Variants in COL21A1 observed in about 807,000 individuals in gnomAD.
COL21A1 encodes collagen type XXI alpha 1 chain, also known as collagen alpha-1(XXI) chain.
Under a neutral mutation model 137.9 loss-of-function variants are expected in COL21A1, and 149 were observed. The observed-to-expected ratio is 1.08, with a 90% confidence interval of 0.95 to 1.24. COL21A1 has a LOEUF of 1.24. COL21A1 is among the 50% of genes most tolerant of loss of function. COL21A1 has a pLI of 0.00. For synonymous variants in COL21A1, 456 were observed against 391.5 expected (o/e 1.16, Z -1.95); for missense variants, 1,167 against 1,158.4 (o/e 1.01, Z -0.11).
Position 56,168,092 on chromosome 6 carries a change from A to G in COL21A1, c.1200+32T>C, listed in dbSNP as rs115760917. ...AAGGACAGCAAAAGTTTCATTCTAT[A>G]TAATTCAAAGAGTAAATCATTATTT... is the stretch of plus-strand genomic sequence containing the variant. On this transcript the variant is annotated intron_variant, in intron 6 of 29. Transcript: ENST00000244728. 256 of 1,376,750 alleles carry G rather than the reference A, an allele frequency of 1.9e-4. No individual in the cohort carries two copies. The African/African-American group carries it at 3.4e-3, about 18-fold the overall frequency. 85.3% of individuals were successfully genotyped at this position (1,376,750 alleles called of 1,614,324 possible).
intron 17 of COL21A1, among the ~76,000 whole-genome samples, chr6:56,090,529 T>A (rs1768702826): frequency 6.6e-6 from 1 of 152,276 alleles, no homozygotes; most frequent in African/African-American, 2.4e-5. Context: ...ACTGTCATAT[T>A]GTAGAAGACC....
intron 1 of COL21A1, among the ~76,000 whole-genome samples, chr6:56,274,844 C>T (rs1763605452): frequency 6.6e-6 from 1 of 151,636 alleles, no homozygotes; most frequent in African/African-American, 2.4e-5. Flanking sequence ...TCATTTTTCA[C>T]AGAATTAGAA....
chr6:56,110,966 G>T (rs1299174959), intron 16 of COL21A1, among the ~76,000 whole-genome samples: 1 of 152,088 alleles, frequency 6.6e-6, no homozygotes, highest in Non-Finnish European at 1.5e-5. Flanking sequence ...ACCCCACCTT[G>T]AGTAGGGCTT....
intron 1 of COL21A1, among the ~76,000 whole-genome samples, chr6:56,352,443 A>T (rs1014239859): frequency 1.3e-5 from 2 of 152,170 alleles, no homozygotes; most frequent in Non-Finnish European, 2.9e-5. Flanking sequence ...GGTGTATGTC[A>T]GAAAATGGAG....
In COL21A1 at chr6:56,142,350, A is replaced by G. The variant is rs567068874; in HGVS notation, c.1435-367T>C. 1.4e-4 allele frequency among the ~76,000 whole-genome samples: 22 copies of G among 152,346 alleles called. No homozygotes were observed. The East Asian group carries it at 4.0e-3, about 28-fold the overall frequency. ...AGATTGGAGGATTAAACAAATGTGT[A>G]TTTGTAAACCACCTAATTAATGGCC... On this transcript the variant is annotated intron_variant, in intron 10 of 29. Transcript: ENST00000244728.
chr6:56,352,854 A>G (rs1287430720), intron 1 of COL21A1, among the ~76,000 whole-genome samples: 9 of 152,230 alleles, frequency 5.9e-5, no homozygotes, highest in Non-Finnish European at 1.5e-5. Flanking sequence ...AGCCTGGGCC[A>G]ACATGGCAAA....
At chr6:56,374,615 G>C (rs959241187) in intron 1 of COL21A1, among the ~76,000 whole-genome samples, 2 of 151,444 alleles carry the variant, frequency 1.3e-5, no homozygotes, top group Non-Finnish European at 2.9e-5. Context: ...CCAGCTACTC[G>C]GGAAGCTGAG....
intron 3 of COL21A1, among the ~76,000 whole-genome samples, chr6:56,173,355 G>T (rs888799079): frequency 6.6e-6 from 1 of 151,360 alleles, no homozygotes; most frequent in Non-Finnish European, 1.5e-5. Flanking sequence ...TCCAGCCTGC[G>T]CAACAGAATG....
At chr6:56,250,230 G>T (rs1449591777), upstream of COL21A1, among the ~76,000 whole-genome samples, 1 of 152,142 alleles carries the variant, frequency 6.6e-6, no homozygotes, top group Non-Finnish European at 1.5e-5. Flanking sequence ...ACCTAAACTA[G>T]GAAACTGTTG....
At chr6:56,342,966 A>C (rs984955849) in intron 1 of COL21A1, among the ~76,000 whole-genome samples, 3 of 152,210 alleles carry the variant, frequency 2.0e-5, no homozygotes, top group African/African-American at 7.2e-5. Context: ...GTACTGTGGG[A>C]CCACTGCAGA....
At chr6:56,123,284 G>C (rs998860586) in intron 16 of COL21A1, among the ~76,000 whole-genome samples, 11 of 152,178 alleles carry the variant, frequency 7.2e-5, no homozygotes, top group African/African-American at 2.7e-4. Context: ...TTATAGTCAG[G>C]TTACTACTGT....
At chr6:56,310,807 C>A (rs1299621483) in intron 1 of COL21A1, among the ~76,000 whole-genome samples, 1 of 138,578 alleles carries the variant, frequency 7.2e-6, no homozygotes, top group Admixed American at 7.1e-5. Flanking sequence ...ATATGAATAT[C>A]CATAATATTG....
chr6:56,355,206 T>C (rs1478850417), intron 1 of COL21A1, among the ~76,000 whole-genome samples: 3 of 152,218 alleles, frequency 2.0e-5, no homozygotes, highest in Non-Finnish European at 2.9e-5. Context: ...ATAGAAGTAC[T>C]GACACCCGCT....
rs1201380404 is a variant in COL21A1, at chr6:56,143,199, CTT to C, written c.1435-1218_1435-1217del. On this transcript the variant is annotated intron_variant, in intron 10 of 29. Transcript: ENST00000244728. ...GAATGACAATGACTATACAATTTTT[CTT>C]TTTTTTTTTTTTTTTTTGAGACAGA... Among the ~76,000 whole-genome samples, 1,215 of 124,490 alleles carry C rather than the reference CTT, an allele frequency of 9.8e-3. 9 individuals are homozygous for C. The highest frequency in any genetic ancestry group is 0.034 in the African/African-American group (1,095 of 32,260). 81.7% of individuals were successfully genotyped at this position (124,490 alleles called of 152,430 possible).
At chr6:56,131,521 G>A (rs1773553946) in intron 12 of COL21A1, among the ~76,000 whole-genome samples, 1 of 151,892 alleles carries the variant, frequency 6.6e-6, no homozygotes, top group Non-Finnish European at 1.5e-5. Flanking sequence ...GCCTCTGGGA[G>A]GGATGAAATC....
rs148291773 is a variant in COL21A1 at position 56,162,754 on chromosome 6, A to C, written c.1371+1669T>G. Among the ~76,000 whole-genome samples the C allele has an allele frequency of 4.6e-3, 696 of 152,356 alleles. 10 individuals are homozygous for C. Among genetic ancestry groups the C allele is most frequent in the African/African-American group, 0.016 (668 of 41,572 alleles). ...TATAATATTCCAAGGTGAATAAATTATATGAACATATATATTTTTAAAAGA... is the reference window on the plus strand; with the variant it reads ...TATAATATTCCAAGGTGAATAAATTCTATGAACATATATATTTTTAAAAGA... On this transcript the variant is annotated intron_variant, in intron 9 of 29. Coordinates refer to ENST00000244728, the MANE Select transcript of COL21A1 (RefSeq NM_030820.4).
chr6:56,059,727 T>C (rs1311909856), intron 28 of COL21A1, among the ~76,000 whole-genome samples: 1 of 152,182 alleles, frequency 6.6e-6, no homozygotes, highest in Admixed American at 6.5e-5. Flanking sequence ...AAATGGCATC[T>C]GTGATTTTCT....
At chr6:56,320,617 C>A (rs1764842565) in intron 1 of COL21A1, among the ~76,000 whole-genome samples, 1 of 152,030 alleles carries the variant, frequency 6.6e-6, no homozygotes, top group Admixed American at 6.6e-5. Flanking sequence ...CTTGCTAATT[C>A]TCCAACTCAC....
At chr6:56,130,383 A>G (rs1310328950) in intron 12 of COL21A1, among the ~76,000 whole-genome samples, 1 of 151,614 alleles carries the variant, frequency 6.6e-6, no homozygotes, top group Non-Finnish European at 1.5e-5. Flanking sequence ...CTCTTTAGAA[A>G]ACACTACATT....
Sources: allele counts gnomAD v4.1 joint callset (sites outside exome capture counted in the v4.1 genomes callset), GRCh38; gene constraint gnomAD v4.1.1; transcripts MANE v1.5; gene names NCBI Gene and HGNC (gene_info 2026-07-23, HGNC 2026-07-21).